The following HEATR6 variants were observed in gnomAD, a reference collection of about 807,000 sequenced individuals.
HEATR6 encodes HEAT repeat-containing protein 6.
Under a neutral mutation model 132.8 loss-of-function variants are expected in HEATR6, and 106 were observed. That is an observed-to-expected ratio of 0.80 (90% confidence interval 0.68 to 0.94). The LOEUF is 0.94. Ranked by LOEUF, HEATR6 falls within the 40% of genes least tolerant of loss-of-function variation. The pLI is 0.00. For missense variants in HEATR6, 1,339 were observed against 1,425.1 expected (o/e 0.94, Z 0.97); for synonymous variants, 529 against 537.8 (o/e 0.98, Z 0.23).
intron 2 of HEATR6, chr17:60,074,279 C>T: frequency 4.7e-6 from 1 of 210,618 alleles, no homozygotes; most frequent in Non-Finnish European, 8.3e-6. Context: ...CCTACTGCAT[C>T]TCTAACATGA....
At chr17:60,069,033 A>G (rs779630023) in intron 7 of HEATR6, among the ~76,000 whole-genome samples, 5 of 152,248 alleles carry the variant, frequency 3.3e-5, no homozygotes, top group Non-Finnish European at 7.3e-5. Context: ...ATAATTTCTA[A>G]TAAGAAGCAC....
intron 10 of HEATR6, 31 bp from the exon 11 acceptor site, chr17:60,059,552 G>A (rs753211366): frequency 1.4e-6 from 2 of 1,464,136 alleles, no homozygotes; most frequent in Non-Finnish European, 1.9e-6. Context: ...CTCATCAAAA[G>A]GCTTGATTAA....
intron 2 of HEATR6, 159 bp from the exon 3 acceptor site, chr17:60,074,045 A>T: frequency 7.4e-7 from 1 of 1,356,354 alleles, no homozygotes; most frequent in South Asian, 2.0e-5. Flanking sequence ...TGAAAGTTTG[A>T]TCAACGTAGG....
At chr17:60,055,791 G>A (rs72488583) in intron 13 of HEATR6, among the ~76,000 whole-genome samples, 190 bp from the exon 14 acceptor site, 1 of 152,116 alleles carries the variant, frequency 6.6e-6, no homozygotes, top group Non-Finnish European at 1.5e-5. Context: ...TTTGGAGATC[G>A]CCTCAAATCA....
rs527588053 is a variant in HEATR6, at chr17:60,077,430, G to A, written c.220-1193C>T. On this transcript the variant is annotated intron_variant, in intron 1 of 19. Coordinates refer to ENST00000184956, the MANE Select transcript of HEATR6 (RefSeq NM_022070.5). ...AACAGGAGAGAATGGAAGTTTTGTT[G>A]CAAAAGTATCCAATTACACAAATAC... Among the ~76,000 whole-genome samples, 15 of 152,302 alleles carry A rather than the reference G, an allele frequency of 9.8e-5. No individual in the cohort carries two copies. In the South Asian group the frequency reaches 3.1e-3, roughly 32 times the overall value.
intron 7 of HEATR6, 22 bp downstream of exon 7, chr17:60,069,689 A>C: frequency 6.2e-7 from 1 of 1,609,568 alleles, no homozygotes; most frequent in Non-Finnish European, 8.5e-7. Flanking sequence ...CACAACTTAA[A>C]TCTAAATAAA....
chr17:60,074,660 G>A (rs8066769), intron 2 of HEATR6, among the ~76,000 whole-genome samples: 15,249 of 152,184 alleles, frequency 0.1, 1,013 homozygotes, highest in African/African-American at 0.19. Flanking sequence ...CCTCTCCCAT[G>A]TGAGACCTAA....
At chr17:60,074,114 G>C in intron 2 of HEATR6, 2 of 1,242,846 alleles carry the variant, frequency 1.6e-6, no homozygotes, top group Non-Finnish European at 2.0e-6. Context: ...AGTAGAACTT[G>C]ATGAAGTCCT....
intron 2 of HEATR6, among the ~76,000 whole-genome samples, chr17:60,074,928 G>T (rs911768883): frequency 1.3e-5 from 2 of 152,214 alleles, no homozygotes; most frequent in African/African-American, 4.8e-5. Context: ...GCTGCACATT[G>T]TAAGCATCAA....
At chr17:60,066,615 A>G (rs983395165) in intron 8 of HEATR6, among the ~76,000 whole-genome samples, 3 of 152,240 alleles carry the variant, frequency 2.0e-5, no homozygotes, top group African/African-American at 7.2e-5. Context: ...AAGGCTGACA[A>G]TTAAAAAACA....
intron 16 of HEATR6, among the ~76,000 whole-genome samples, chr17:60,048,983 A>ATAAT (rs1491095262): frequency 1.4e-5 from 1 of 69,580 alleles, no homozygotes; most frequent in Non-Finnish European, 2.4e-5. Context: ...ATATATATAT[A>ATAAT]ATATATATAT....
intron 9 of HEATR6, among the ~76,000 whole-genome samples, chr17:60,064,996 G>A (rs1166890709): frequency 1.3e-5 from 2 of 152,110 alleles, no homozygotes; most frequent in Non-Finnish European, 2.9e-5. Context: ...GTTGGCCACT[G>A]CTGGCAGCTC....
At position 60,048,389 on chromosome 17, in the gene HEATR6, CTG is replaced by C. The variant is rs767352800; in HGVS notation, c.2548-3_2548-2del. ...CTGCGTCTGCAACAAATATGACATC[CTG>C]TAACACAAAACAAAACACTGCAGTT... On this transcript the variant is annotated splice_acceptor_variant and splice_polypyrimidine_tract_variant and intron_variant, in intron 16 of 19. Transcript: ENST00000184956. LOFTEE classifies it high-confidence loss of function. 6 of 1,610,192 alleles carry C rather than the reference CTG, an allele frequency of 3.7e-6. No individual in the cohort carries two copies. The highest frequency in any genetic ancestry group is 3.3e-5 in the Admixed American group (2 of 59,820).
In HEATR6 at chr17:60,074,679, G is replaced by A. The variant is rs531414208; in HGVS notation, c.328-793C>T. Among the ~76,000 whole-genome samples, 10 of 152,174 alleles carry A rather than the reference G, an allele frequency of 6.6e-5. No homozygotes were observed. The South Asian group carries it at 8.3e-4, about 13-fold the overall frequency. ...TCCCATGTGAGACCTAAGGGTAAAC[G>A]CTAATTAGTTTAAGAGAGTGGGGCA... On this transcript the variant is annotated intron_variant, in intron 2 of 19. Coordinates refer to ENST00000184956, the MANE Select transcript of HEATR6 (RefSeq NM_022070.5).
rs756008189 is a variant in HEATR6 at position 60,048,335 on chromosome 17, G to C, written c.2601C>G (p.Asp867Glu). 1 of 1,613,640 alleles carries C rather than the reference G, an allele frequency of 6.2e-7. No homozygotes were observed. Among genetic ancestry groups the C allele is most frequent in the Non-Finnish European group, 8.5e-7 (1 of 1,179,676 alleles). ...AANAILMSLE[D>E]KSLNVRAKAA... Reference sequence around the variant, plus strand: ...CTTTGGCTCGAACATTCAGAGACTTGTCTTCAAGTGACATCAATATTGCAT... The same window carrying C: ...CTTTGGCTCGAACATTCAGAGACTTCTCTTCAAGTGACATCAATATTGCAT... The change falls in exon 17 of 20, where the codon GAC becomes GAG. Residue 867 changes from aspartate to glutamate, a missense_variant. By Grantham distance (45) the Asp-to-Glu change is conservative (BLOSUM62 2). Transcript: ENST00000184956.
rs1418095958 is a variant in HEATR6, at chr17:60,041,199, G to A, written c.*2364C>T. Among the ~76,000 whole-genome samples the A allele has an allele frequency of 6.6e-6, 1 of 152,210 alleles. No individual in the cohort carries two copies. The highest frequency in any genetic ancestry group is 2.4e-5 in the African/African-American group (1 of 41,460). On this transcript the variant is annotated 3_prime_UTR_variant, in exon 20 of 20. Coordinates refer to ENST00000184956, the MANE Select transcript of HEATR6 (RefSeq NM_022070.5). ...ACAGCAGGTACCACTGCCTTCTGAA[G>A]TTTCTAGAGGTGCTATGCCTTCATT...
chr17:60,060,189 A>C, intron 9 of HEATR6, 93 bp from the exon 10 acceptor site: 1 of 871,544 alleles, frequency 1.1e-6, no homozygotes, highest in Non-Finnish European at 1.8e-6. Context: ...AGTATTTACA[A>C]TCATTTTAAT....
chr17:60,070,795 C>T lies in HEATR6; in HGVS notation c.712G>A (p.Ala238Thr). 1.3e-6 allele frequency: 2 copies of T among 1,586,726 alleles called. No homozygotes were observed. Among genetic ancestry groups the T allele is most frequent in the South Asian group, 1.1e-5 (1 of 90,400 alleles). Residue 238 changes from alanine to threonine, a missense_variant, in exon 6 of 20, where the codon GCA (alanine) becomes ACA (threonine). By Grantham distance (58) the Ala-to-Thr change is moderately conservative. Transcript: ENST00000184956. ...AGAAGTGACTGTATACCTTTTAATG[C>T]ATTTTGCAATAACTAGGGGGAAAAG... ...DITFCMLLQNALKGIQSLLNG... is the reference protein window; with the variant it reads ...DITFCMLLQNTLKGIQSLLNG...
chr17:60,074,190 G>A (rs143311827), intron 2 of HEATR6: 35 of 1,013,472 alleles, frequency 3.5e-5, no homozygotes, highest in East Asian at 3.4e-4. Context: ...GTATTTCAAC[G>A]CACTGAAATT....
Sources: gnomAD v4.1 joint callset for allele counts (sites outside exome capture counted in the v4.1 genomes callset) on GRCh38, gnomAD v4.1.1 for gene constraint, MANE v1.5 for transcripts, NCBI Gene and HGNC (gene_info 2026-07-23, HGNC 2026-07-21) for gene names.